Variants in PML observed in about 807,000 individuals in gnomAD.
PML encodes the protein PML nuclear body scaffold.
A neutral mutation model predicts 65.2 loss-of-function variants in PML; 28 were observed. The observed-to-expected ratio is 0.43, with a 90% CI of 0.32 to 0.59. The LOEUF (loss-of-function observed/expected upper bound fraction) is 0.59, where lower values mean the gene tolerates loss of function less well. Among genes scored for constraint, PML ranks in the 20% least tolerant of loss-of-function variants. The pLI, the probability that PML is intolerant of heterozygous loss-of-function variation, is 0.08. For missense variants in PML, 1,021 were observed against 1,203.4 expected (o/e 0.85, Z 2.24); for synonymous variants, 500 against 508.8 (o/e 0.98, Z 0.23).
At chr15:74,034,971 A>G (rs938271124) in intron 7 of PML, 5 of 1,479,500 alleles carry the variant, frequency 3.4e-6, no homozygotes, top group Non-Finnish European at 3.6e-6. Context: ...GACTCCATCC[A>G]TGTAGAAAGA....
Position 74,035,819 on chromosome 15 carries a change from T to C in PML, c.1710+1289T>C, listed in dbSNP as rs746478828. 1 of 1,614,020 alleles carries C rather than the reference T, an allele frequency of 6.2e-7. No homozygotes were observed. Among genetic ancestry groups the C allele is most frequent in the Admixed American group, 1.7e-5 (1 of 60,034 alleles). ...GAGCAGGTGTTCCCCCTGGGGACTC[T>C]GTCAGAGGCTCCATGGAGGCCTCTC... On this transcript the variant is annotated intron_variant, in intron 7 of 8. Transcript: ENST00000268058. This position sits in a 1 kb window ranked among gnomAD's most constrained non-coding sequence, Gnocchi z 4.1.
Position 74,043,058 on chromosome 15 carries a change from A to G in PML, c.1780A>G (p.Arg594Gly). Residue 594 changes from arginine to glycine, a missense_variant, in exon 8 of 9, where the codon AGG (arginine) becomes GGG (glycine). Physicochemically the swap from Arg to Gly is moderately radical, Grantham distance 125 (BLOSUM62 -2). Transcript: ENST00000268058. The surrounding 1 kb of genome is among the most constrained non-coding windows in gnomAD (Gnocchi z 4.3). ...DLQLEGPSTL[R>G]VLDENLADPQ... ...CCAGCTGGAAGGCCCCAGCACCCTCAGGGTCCTGGACGAGAACCTTGCTGA... is the reference window on the plus strand; with the variant it reads ...CCAGCTGGAAGGCCCCAGCACCCTCGGGGTCCTGGACGAGAACCTTGCTGA... The G allele has an allele frequency of 1.2e-6, 2 of 1,613,582 alleles. No individual in the cohort carries two copies. Among genetic ancestry groups the G allele is most frequent in the Non-Finnish European group, 1.7e-6 (2 of 1,179,922 alleles).
intron 2 of PML, among the ~76,000 whole-genome samples, chr15:74,022,338 C>G (rs1451982546): frequency 1.3e-5 from 2 of 152,196 alleles, no homozygotes; most frequent in African/African-American, 2.4e-5. Flanking sequence ...TTAACATGTT[C>G]TGTTTCTTCC....
chr15:74,018,289 C>T (rs1350733570), intron 2 of PML, among the ~76,000 whole-genome samples: 2 of 146,722 alleles, frequency 1.4e-5, no homozygotes, highest in East Asian at 4.0e-4. Flanking sequence ...TGCCACTGCA[C>T]TCCAGCCTGG....
intron 2 of PML, among the ~76,000 whole-genome samples, chr15:74,017,016 C>T (rs1000732636): frequency 4.6e-5 from 7 of 151,616 alleles, no homozygotes; most frequent in Admixed American, 1.3e-4. Flanking sequence ...CCAGGATGGT[C>T]TCGATCTCCT....
rs1041794024 is a variant in PML, at chr15:74,043,301, C to A, written c.1861+162C>A. 4 of 1,499,360 alleles carry A rather than the reference C, an allele frequency of 2.7e-6. No individual in the cohort carries two copies. Among genetic ancestry groups the A allele is most frequent in the Admixed American group, 4.7e-5 (2 of 42,878 alleles). 92.9% of individuals were successfully genotyped at this position (1,499,360 alleles called of 1,614,324 possible). ...CACTCCGGCTCACCTGGGCTCCTGG[C>A]GTGTCATTTGCTGGCTTGAATAAAG... On this transcript the variant is annotated intron_variant, in intron 8 of 8. Transcript: ENST00000268058. This position sits in a 1 kb window ranked among gnomAD's most constrained non-coding sequence, Gnocchi z 4.3.
chr15:73,997,576 C>T (rs2069567148), intron 1 of PML, among the ~76,000 whole-genome samples: 1 of 152,048 alleles, frequency 6.6e-6, no homozygotes, highest in African/African-American at 2.4e-5. Flanking sequence ...CTGTTTGGGC[C>T]TTGTTTTTAC....
intron 1 of PML, 128 bp from the exon 2 acceptor site, chr15:73,997,876 C>T: frequency 1.2e-6 from 1 of 810,048 alleles, no homozygotes. Context: ...CAGGGTTTTG[C>T]ATCATCCAAT....
chr15:74,001,934 T>C (rs2069780206), intron 2 of PML, among the ~76,000 whole-genome samples: 1 of 151,794 alleles, frequency 6.6e-6, no homozygotes, highest in Admixed American at 6.6e-5. Flanking sequence ...AACCTAAGAA[T>C]TTGAGCCTGC....
At chr15:74,025,901 C>T (rs2141843843) in intron 4 of PML, 1 of 152,546 alleles carries the variant, frequency 6.6e-6, no homozygotes, top group African/African-American at 2.4e-5. Context: ...TCATGGACAG[C>T]AGGTCTTCTG....
Position 74,023,424 on chromosome 15 carries a change from A to G in PML, c.1183+16A>G, listed in dbSNP as rs2070934900. The G allele has an allele frequency of 3.1e-6, 5 of 1,588,016 alleles. No homozygotes were observed. The highest frequency in any genetic ancestry group is 3.4e-6 in the Non-Finnish European group (4 of 1,171,928). On this transcript the variant is annotated intron_variant, in intron 3 of 8. Transcript: ENST00000268058. ...CAGGGGAAAGGTAAGCACGCACGCC[A>G]CCTTCCTGGGCGGCCTGTGCCTCTG...
chr15:74,034,708 C>A, intron 7 of PML, 178 bp downstream of exon 7: 1 of 1,523,616 alleles, frequency 6.6e-7, no homozygotes, highest in Non-Finnish European at 8.8e-7. Context: ...ATGCCTGGAC[C>A]ACCCCAGCCC....
intron 4 of PML, among the ~76,000 whole-genome samples, chr15:74,031,040 G>A (rs1403290822): frequency 6.6e-6 from 1 of 151,698 alleles, no homozygotes; most frequent in Admixed American, 6.6e-5. Flanking sequence ...TCAGCCTCCT[G>A]TACTTTCATA....
intron 2 of PML, among the ~76,000 whole-genome samples, chr15:74,019,378 C>G (rs1358987871): frequency 6.6e-6 from 1 of 152,226 alleles, no homozygotes; most frequent in East Asian, 1.9e-4. Context: ...ACAACTGTTT[C>G]TTATTCTCTT....
intron 1 of PML, among the ~76,000 whole-genome samples, chr15:73,995,861 T>C (rs952941981): frequency 6.6e-6 from 1 of 152,114 alleles, no homozygotes; most frequent in African/African-American, 2.4e-5. Flanking sequence ...TTCACGCCAT[T>C]CTCCTGCCTC....
Position 73,994,935 on chromosome 15 carries a change from T to C in PML, c.123T>C (p.Pro41=). 1 of 1,479,770 alleles carries C rather than the reference T, an allele frequency of 6.8e-7. No homozygotes were observed. The highest frequency in any genetic ancestry group is 9.1e-7 in the Non-Finnish European group (1 of 1,103,508). The allele number at this position is 1,479,770 out of a possible 1,614,324, so 91.7% of individuals were successfully genotyped here. ...EGRQPSPSPS[P]TERAPASEEE... is the part of the protein sequence containing the mutation. Reference sequence around the variant, plus strand: ...GCCAGCCCAGCCCCAGCCCCAGCCCTACAGAGGTACTATTGGGTTAGGGGA... The same window carrying C: ...GCCAGCCCAGCCCCAGCCCCAGCCCCACAGAGGTACTATTGGGTTAGGGGA... Residue 41 remains proline, a synonymous_variant, in exon 1 of 9, where the codon CCT becomes CCC. Coordinates refer to ENST00000268058, the MANE Select transcript of PML (RefSeq NM_033238.3).
chr15:73,996,406 T>C (rs1485304979), intron 1 of PML, among the ~76,000 whole-genome samples: 1 of 152,248 alleles, frequency 6.6e-6, no homozygotes, highest in East Asian at 1.9e-4. Flanking sequence ...GGTCAGATGA[T>C]TGAAGCCTGT....
intron 2 of PML, among the ~76,000 whole-genome samples, chr15:74,011,901 C>G (rs574372878): frequency 3.3e-5 from 5 of 152,310 alleles, no homozygotes; most frequent in African/African-American, 1.2e-4. Flanking sequence ...CTTTCCTACT[C>G]CTGCTGGACT....
In PML at chr15:74,020,206, T is replaced by C. The variant is rs139408027; in HGVS notation, c.603-2622T>C. Reference sequence around the variant, plus strand: ...GTCTGGCTGGCTAGTAGGCTCTCTGTTGGTGGTTCCAGAACAAGTTGATCT... The same window carrying C: ...GTCTGGCTGGCTAGTAGGCTCTCTGCTGGTGGTTCCAGAACAAGTTGATCT... On this transcript the variant is annotated intron_variant, in intron 2 of 8. Transcript: ENST00000268058. 6.6e-3 allele frequency among the ~76,000 whole-genome samples: 1,011 copies of C among 152,220 alleles called. 10 individuals are homozygous for C. The highest frequency in any genetic ancestry group is 0.023 in the African/African-American group (945 of 41,534).
Sources: gnomAD v4.1 joint callset for allele counts (sites outside exome capture counted in the v4.1 genomes callset) on GRCh38, gnomAD v4.1.1 for gene constraint, Gnocchi (gnomAD v3.1) non-coding constraint, MANE v1.5 for transcripts, NCBI Gene and HGNC (gene_info 2026-07-23, HGNC 2026-07-21) for gene names.